SUGP1: variants seen among roughly 807,000 people sequenced by gnomAD.
SUGP1 encodes SURP and G-patch domain-containing protein 1.
SUGP1 carries 34 observed loss-of-function variants against 76.5 expected under a neutral mutation model. That is an observed-to-expected ratio of 0.44 (90% CI 0.34 to 0.59). SUGP1 has a LOEUF of 0.59. Among genes scored for constraint, SUGP1 ranks in the 20% least tolerant of loss-of-function variants. SUGP1 has a pLI of 0.01. For synonymous variants in SUGP1, 326 were observed against 326.2 expected, an observed-to-expected ratio of 1.00 and a Z score of 0.01; for missense variants, 752 against 851.7, an observed-to-expected ratio of 0.88 and a Z score of 1.46.
At chr19:19,293,395 C>A (rs1038402287) in intron 8 of SUGP1, among the ~76,000 whole-genome samples, 1 of 151,072 alleles carries the variant, frequency 6.6e-6, no homozygotes, top group Non-Finnish European at 1.5e-5. Flanking sequence ...ACCAGCCTGG[C>A]CAACATGGTG....
At chr19:19,306,375 G>A (rs1255413711) in intron 3 of SUGP1, among the ~76,000 whole-genome samples, 5 of 152,336 alleles carry the variant, frequency 3.3e-5, no homozygotes, top group South Asian at 4.1e-4. Context: ...GGGACAGAAC[G>A]TCAGTTCTGC....
intron 6 of SUGP1, 163 bp from the exon 7 acceptor site, chr19:19,302,551 C>T (rs1348630968): frequency 1.9e-6 from 2 of 1,036,732 alleles, no homozygotes; most frequent in East Asian, 2.6e-5. Context: ...TGCCAGAATT[C>T]ATAACACACC....
intron 12 of SUGP1, 141 bp from the exon 13 acceptor site, chr19:19,277,217 T>C: frequency 1.8e-6 from 1 of 558,676 alleles, no homozygotes; most frequent in Non-Finnish European, 2.5e-6. Flanking sequence ...AGCTTGAACC[T>C]GAATGGTCAA....
chr19:19,300,676 G>T (rs2061264736), intron 7 of SUGP1, among the ~76,000 whole-genome samples: 1 of 152,168 alleles, frequency 6.6e-6, no homozygotes, highest in South Asian at 2.1e-4. Context: ...GTCCGGCTCT[G>T]GCTCTGCAGT....
chr19:19,300,360 G>A (rs1247998609), intron 7 of SUGP1, among the ~76,000 whole-genome samples: 1 of 151,662 alleles, frequency 6.6e-6, no homozygotes, highest in Non-Finnish European at 1.5e-5. Context: ...ACAGGCGTGA[G>A]CCACCGCACC....
intron 3 of SUGP1, among the ~76,000 whole-genome samples, chr19:19,307,463 A>T (rs1193560333): frequency 6.6e-6 from 1 of 152,152 alleles, no homozygotes; most frequent in East Asian, 1.9e-4. Context: ...CCTAAAAAAA[A>T]TAACGTCGAG....
In SUGP1 at chr19:19,297,271, C is replaced by T. The variant is rs2061234650; in HGVS notation, c.961G>A (p.Ala321Thr). ...GCTGTGAAGCTGCCTGTGGAGCTGGCCTTGGCTTTCCGGAACTCCTCCAGC... is the reference window on the plus strand; with the variant it reads ...GCTGTGAAGCTGCCTGTGGAGCTGGTCTTGGCTTTCCGGAACTCCTCCAGC... ...QKLEEFRKAKASSTGSFTAPD... is the reference protein window; with the variant it reads ...QKLEEFRKAKTSSTGSFTAPD... Residue 321 changes from alanine (A) to threonine (T), a missense_variant, in exon 8 of 14, where the codon GCC becomes ACC. By Grantham distance (58) the Ala-to-Thr change is moderately conservative. Transcript: ENST00000247001. The T allele has an allele frequency of 6.4e-7, 1 of 1,561,402 alleles. No individual in the cohort carries two copies. Among genetic ancestry groups the T allele is most frequent in the Non-Finnish European group, 8.7e-7 (1 of 1,149,242 alleles).
intron 11 of SUGP1, 67 bp downstream of exon 11, chr19:19,278,623 G>A (rs973197884): frequency 4.9e-6 from 7 of 1,440,406 alleles, no homozygotes; most frequent in Non-Finnish European, 5.8e-6. Flanking sequence ...GGCACCTGCA[G>A]GGTGAGGCAG....
At position 19,303,402 on chromosome 19, in the gene SUGP1, T is replaced by A; in HGVS notation, c.709A>T (p.Lys237Ter). The A allele has an allele frequency of 6.2e-7, 1 of 1,614,202 alleles. No individual in the cohort carries two copies. The highest frequency in any genetic ancestry group is 8.5e-7 in the Non-Finnish European group (1 of 1,180,038). The change falls in exon 6 of 14, where the codon AAG becomes TAG. Residue 237 changes from lysine (K) to a stop codon, truncating the protein, a stop_gained. Coordinates refer to ENST00000247001, the MANE Select transcript of SUGP1 (RefSeq NM_172231.4). LOFTEE classifies it high-confidence loss of function. Reference protein sequence around the residue: ...NSREFLYYRKKVAEIRKEAQK... With the variant: ...NSREFLYYRK ...GCTTCCTTTCTTATCTCAGCCACCT[T>A]CTTCCTGTAGTAGAGGAATTCCCTG...
At chr19:19,312,232 AT>A (rs2061357904) in intron 2 of SUGP1, among the ~76,000 whole-genome samples, 1 of 152,164 alleles carries the variant, frequency 6.6e-6, no homozygotes, top group East Asian at 1.9e-4. Context: ...TTAAAAAAAA[AT>A]AAAAAGAAAA....
intron 7 of SUGP1, among the ~76,000 whole-genome samples, chr19:19,299,870 C>T (rs1394752945): frequency 3.3e-5 from 5 of 152,074 alleles, no homozygotes; most frequent in Admixed American, 2.0e-4. Flanking sequence ...TGGCTCACCG[C>T]AACCTCCGCC....
intron 1 of SUGP1, among the ~76,000 whole-genome samples, chr19:19,318,065 C>A (rs942259827): frequency 6.6e-6 from 1 of 150,974 alleles, no homozygotes; most frequent in Non-Finnish European, 1.5e-5. Context: ...CCAATTTACG[C>A]CTCTCAAAGC....
At chr19:19,301,479 C>T (rs775583338) in intron 7 of SUGP1, among the ~76,000 whole-genome samples, 8 of 152,202 alleles carry the variant, frequency 5.3e-5, no homozygotes, top group Non-Finnish European at 1.0e-4. Flanking sequence ...AGCACAGTTG[C>T]CCCATCTGTG....
At chr19:19,302,754 G>C (rs1473358787) in intron 6 of SUGP1, among the ~76,000 whole-genome samples, 1 of 152,136 alleles carries the variant, frequency 6.6e-6, no homozygotes, top group African/African-American at 2.4e-5. Flanking sequence ...CAGGGCACAG[G>C]GCCACAGGGA....
intron 2 of SUGP1, among the ~76,000 whole-genome samples, chr19:19,313,092 G>A (rs2061364555): frequency 6.6e-6 from 1 of 151,776 alleles, no homozygotes; most frequent in East Asian, 1.9e-4. Context: ...AAATACATTT[G>A]AATTAAAAAT....
chr19:19,277,252 G>GGC (rs1178891140), intron 12 of SUGP1, among the ~76,000 whole-genome samples, 176 bp from the exon 13 acceptor site: 1 of 115,998 alleles, frequency 8.6e-6, no homozygotes, highest in African/African-American at 3.3e-5. Flanking sequence ...CGGGGCGGGC[G>GGC]GGGGGGGGGG....
chr19:19,310,226 G>C, intron 2 of SUGP1, 26 bp from the exon 3 acceptor site: 1 of 1,577,428 alleles, frequency 6.3e-7, no homozygotes, highest in Non-Finnish European at 8.7e-7. Flanking sequence ...AGGACAGAGA[G>C]GGTGAGCTGG....
At chr19:19,291,510 T>C (rs936215044) in intron 8 of SUGP1, among the ~76,000 whole-genome samples, 1 of 152,056 alleles carries the variant, frequency 6.6e-6, no homozygotes, top group African/African-American at 2.4e-5. Flanking sequence ...AACAAATTCC[T>C]AGAAACACAA....
At chr19:19,283,064 G>A (rs2061111885) in intron 8 of SUGP1, among the ~76,000 whole-genome samples, 2 of 140,790 alleles carry the variant, frequency 1.4e-5, no homozygotes, top group Non-Finnish European at 3.0e-5. Context: ...GCGACAGAGT[G>A]AGACTCCATC....
Sources: gnomAD v4.1 joint callset for allele counts (sites outside exome capture counted in the v4.1 genomes callset) on GRCh38, gnomAD v4.1.1 for gene constraint, MANE v1.5 for transcripts, NCBI Gene and HGNC (gene_info 2026-07-23, HGNC 2026-07-21) for gene names.